PCDHA8: variants seen among roughly 807,000 people sequenced by gnomAD.
PCDHA8 encodes the protein protocadherin alpha 8, also known as protocadherin alpha-8.
Under a neutral mutation model 61.8 loss-of-function variants are expected in PCDHA8, and 53 were observed. The observed-to-expected ratio is 0.86, with a 90% CI of 0.69 to 1.08. The LOEUF (loss-of-function observed/expected upper bound fraction) is 1.08. Among genes scored for constraint, PCDHA8 ranks in the 50% least tolerant of loss-of-function variants. The pLI is 0.00. For missense variants in PCDHA8, 1,293 were observed against 1,245.0 expected (o/e 1.04, Z -0.58); for synonymous variants, 618 against 556.6 (o/e 1.11, Z -1.55).
rs782133089 is a variant in PCDHA8, at chr5:140,924,894, C to CAAAAA, written c.2395-54048_2395-54044dup. Among the ~76,000 whole-genome samples, 201 of 71,494 alleles carry CAAAAA rather than the reference C, an allele frequency of 2.8e-3. 5 individuals are homozygous for CAAAAA. In the East Asian group the frequency reaches 0.084, roughly 30 times the overall value. The allele number at this position is 71,494 out of a possible 152,430, so 46.9% of individuals were successfully genotyped here. On this transcript the variant is annotated intron_variant, in intron 1 of 3. Coordinates refer to ENST00000531613, the MANE Select transcript of PCDHA8 (RefSeq NM_018911.3). ...TGGGTGACAGAGCAAGAACCTGTCT[C>CAAAAA]AAAAAAAAAAATAAAATAAAATAAA...
chr5:140,872,241 C>T (rs187831325), intron 1 of PCDHA8, among the ~76,000 whole-genome samples: 8 of 151,642 alleles, frequency 5.3e-5, no homozygotes, highest in Admixed American at 5.3e-4. Context: ...TGTCTTTATT[C>T]CTGTGATAAT....
chr5:141,001,245 C>G (rs1554258043), intron 3 of PCDHA8, among the ~76,000 whole-genome samples: 2 of 152,082 alleles, frequency 1.3e-5, no homozygotes, highest in Non-Finnish European at 2.9e-5. Context: ...TAAATCAACC[C>G]TATGGGGCGG....
chr5:140,905,652 T>A (rs1554192111), intron 1 of PCDHA8, among the ~76,000 whole-genome samples: 1 of 152,240 alleles, frequency 6.6e-6, no homozygotes, highest in East Asian at 1.9e-4. Flanking sequence ...CAGTATTGAT[T>A]CCTGTCATCC....
chr5:140,849,809 G>C (rs147465571), intron 1 of PCDHA8: 14 of 1,598,384 alleles, frequency 8.8e-6, no homozygotes, highest in East Asian at 2.2e-5. Context: ...TGTGGGCCAC[G>C]GCCAGGGTGT....
chr5:140,847,929 T>C (rs1164805160), intron 1 of PCDHA8: 1 of 151,198 alleles, frequency 6.6e-6, no homozygotes, highest in African/African-American at 2.4e-5. Context: ...CACTAGAGAT[T>C]GCAACTCCTG....
chr5:140,872,785 C>A (rs781982200), intron 1 of PCDHA8, among the ~76,000 whole-genome samples: 1 of 152,072 alleles, frequency 6.6e-6, no homozygotes, highest in Non-Finnish European at 1.5e-5. Context: ...ATAATATATG[C>A]TAGTTGGCAT....
rs564306575 is a variant in PCDHA8, at chr5:140,927,833, A to G, written c.2395-51116A>G. On this transcript the variant is annotated intron_variant, in intron 1 of 3. Coordinates refer to ENST00000531613, the MANE Select transcript of PCDHA8 (RefSeq NM_018911.3). Reference sequence around the variant, plus strand: ...TTGGAGGCATACATTGAGGCGAGGGACGAAGGTGTCTTTGGTTTAGCTAGC... The same window carrying G: ...TTGGAGGCATACATTGAGGCGAGGGGCGAAGGTGTCTTTGGTTTAGCTAGC... 5.0e-6 allele frequency: 8 copies of G among 1,614,044 alleles called. No individual in the cohort carries two copies. Among genetic ancestry groups the G allele is most frequent in the African/African-American group, 4.0e-5 (3 of 74,914 alleles).
At chr5:140,963,701 AG>A (rs1226096855) in intron 1 of PCDHA8, among the ~76,000 whole-genome samples, 2 of 152,218 alleles carry the variant, frequency 1.3e-5, no homozygotes, top group Non-Finnish European at 1.5e-5. Flanking sequence ...TGATATCTAA[AG>A]GGCCATGCTA....
chr5:140,908,919 G>A (rs781892541), intron 1 of PCDHA8, among the ~76,000 whole-genome samples: 1 of 152,158 alleles, frequency 6.6e-6, no homozygotes, highest in Non-Finnish European at 1.5e-5. Context: ...TGTAGGAGGG[G>A]CCAAATGCAG....
chr5:140,852,980 G>C (rs782092693), intron 1 of PCDHA8: 1 of 347,518 alleles, frequency 2.9e-6, no homozygotes, highest in Non-Finnish European at 4.2e-6. Flanking sequence ...CCGTGTTCAC[G>C]CCATTCTCCT....
At chr5:140,972,754 CCCAAG>C (rs1290105832) in intron 1 of PCDHA8, among the ~76,000 whole-genome samples, 1 of 151,316 alleles carries the variant, frequency 6.6e-6, no homozygotes, top group African/African-American at 2.4e-5. Context: ...ACCTCCGCCT[CCCAAG>C]TTAAAGTGAT....
chr5:140,882,485 G>C, intron 1 of PCDHA8: 3 of 1,614,106 alleles, frequency 1.9e-6, no homozygotes, highest in Non-Finnish European at 2.5e-6. Flanking sequence ...AAGACACGGG[G>C]ACCTTCTGGA....
chr5:140,857,783 C>T lies in PCDHA8; in HGVS notation c.2394+14068C>T, dbSNP rs782463412. 1.5e-5 allele frequency: 24 copies of T among 1,597,710 alleles called. No individual in the cohort carries two copies. The East Asian group carries it at 4.7e-4, about 31-fold the overall frequency. ...CAGCGCGGGCGGTGCAGTCAGTGAG[C>T]TGGTGCTGCGGTCGGTGGTTGCGGG... is the stretch of plus-strand genomic sequence containing the variant. On this transcript the variant is annotated intron_variant, in intron 1 of 3. Transcript: ENST00000531613.
At chr5:140,848,964 G>C in intron 1 of PCDHA8, 1 of 1,606,312 alleles carries the variant, frequency 6.2e-7, no homozygotes, top group Non-Finnish European at 8.5e-7. Flanking sequence ...ACTAGAGGGC[G>C]CGTCCGATGC....
At chr5:140,853,237 A>G (rs2042681652) in intron 1 of PCDHA8, 3 of 980,666 alleles carry the variant, frequency 3.1e-6, no homozygotes, top group African/African-American at 1.8e-5. Flanking sequence ...TTAGTCCTTC[A>G]TATTAATCTC....
chr5:140,927,213 G>C (rs1384969721), intron 1 of PCDHA8: 11 of 1,614,000 alleles, frequency 6.8e-6, no homozygotes, highest in Non-Finnish European at 9.3e-6. Flanking sequence ...CGCTGGAGCT[G>C]CACAAGATTC....
At chr5:140,965,876 C>T (rs1416182822) in intron 1 of PCDHA8, among the ~76,000 whole-genome samples, 1 of 152,152 alleles carries the variant, frequency 6.6e-6, no homozygotes, top group African/African-American at 2.4e-5. Flanking sequence ...GCCACTTGGC[C>T]GAGAGCAGAA....
At chr5:140,922,655 C>G (rs1468761948) in intron 1 of PCDHA8, among the ~76,000 whole-genome samples, 1 of 152,134 alleles carries the variant, frequency 6.6e-6, no homozygotes, top group Non-Finnish European at 1.5e-5. Context: ...GTAAATATGG[C>G]TATACTGCAA....
At chr5:140,926,217 T>C (rs1201243643) in intron 1 of PCDHA8, among the ~76,000 whole-genome samples, 1 of 151,994 alleles carries the variant, frequency 6.6e-6, no homozygotes, top group African/African-American at 2.4e-5. Flanking sequence ...CCTGTTTCCT[T>C]AAGCCTAGAA....
Sources: allele counts gnomAD v4.1 joint callset (sites outside exome capture counted in the v4.1 genomes callset), GRCh38; gene constraint gnomAD v4.1.1; transcripts MANE v1.5; gene names NCBI Gene and HGNC (gene_info 2026-07-23, HGNC 2026-07-21).